Variants in ODAD4 observed in about 807,000 individuals in gnomAD.
The protein encoded by ODAD4 is outer dynein arm docking complex subunit 4.
ODAD4 carries 49 observed loss-of-function variants against 51.8 expected under a neutral mutation model. The ratio of observed to expected loss-of-function variants is 0.95; its 90% confidence interval spans 0.75 to 1.20. The LOEUF is 1.20. Among genes scored for constraint, ODAD4 ranks in the 50% most tolerant of loss-of-function variants. ODAD4 has a pLI of 0.00. For missense variants in ODAD4, 590 were observed against 586.5 expected (o/e 1.01, Z -0.06); for synonymous variants, 235 against 221.3 (o/e 1.06, Z -0.55).
At chr17:41,936,729 G>A (rs782086101) in intron 4 of ODAD4, 33 bp from the exon 5 acceptor site, 2 of 1,612,020 alleles carry the variant, frequency 1.2e-6, no homozygotes, top group South Asian at 2.2e-5. Flanking sequence ...GCTCCTTGCT[G>A]AAGCTCTGTT....
At chr17:41,947,871 G>A (rs1167367182) in intron 8 of ODAD4, among the ~76,000 whole-genome samples, 2 of 152,290 alleles carry the variant, frequency 1.3e-5, no homozygotes, top group South Asian at 4.1e-4. Flanking sequence ...TGTAATCCCA[G>A]CACTTTGGGA....
intron 9 of ODAD4, among the ~76,000 whole-genome samples, chr17:41,954,337 A>G: frequency 6.6e-6 from 1 of 152,056 alleles, no homozygotes; most frequent in East Asian, 1.9e-4. Context: ...GAGGGCTCAA[A>G]TCAATCACTC....
chr17:41,939,139 G>T lies in ODAD4; in HGVS notation c.1025G>T (p.Ser342Ile), dbSNP rs1555638374. ...GGGCAGATGGAGGCAGCCCTGCAGA[G>T]CCACAGAAAGGACCTGGAGATCGCC... ...ELGQMEAALQ[S>I]HRKDLEIAKE... Residue 342 changes from serine to isoleucine, a missense_variant, in exon 7 of 12, where the codon AGC (serine) becomes ATC (isoleucine). Physicochemically the swap from Ser to Ile is moderately radical, Grantham distance 142. Around this residue, in one of 3 missense-constraint regions of ODAD4, gnomAD observed 4 missense variants for 16.3 expected, o/e 0.25. Transcript: ENST00000377540. The T allele has an allele frequency of 6.2e-7, 1 of 1,613,948 alleles. No homozygotes were observed. The highest frequency in any genetic ancestry group is 1.7e-5 in the Admixed American group (1 of 60,012).
intron 1 of ODAD4, 44 bp downstream of exon 1, chr17:41,930,881 CTTTTTTTT>C (rs782820445): frequency 5.7e-4 from 55 of 97,222 alleles, no homozygotes; most frequent in African/African-American, 1.8e-3. Context: ...TCACCCGTCA[CTTTTTTTT>C]TTTTTTTTTT....
At chr17:41,957,480 G>A (rs1048068932) in intron 10 of ODAD4, among the ~76,000 whole-genome samples, 52 of 152,274 alleles carry the variant, frequency 3.4e-4, no homozygotes, top group Middle Eastern at 6.8e-3. Context: ...TGTGTGGCCC[G>A]GTTCCTAACA....
chr17:41,936,874 TG>T lies in ODAD4; in HGVS notation c.577del (p.Glu193SerfsTer18). On this transcript the variant is annotated frameshift_variant, in exon 5 of 12. Coordinates refer to ENST00000377540, the MANE Select transcript of ODAD4 (RefSeq NM_031421.5). LOFTEE classifies it high-confidence loss of function. ...LKSEKTVRQL[L>X]GELYVDKEYL... ...AGTGAGAAGACTGTCCGCCAGCTTC[TG>T]GGGGAGCTCTACGTGGACAAAGAGT... The T allele has an allele frequency of 6.2e-7, 1 of 1,613,968 alleles. No individual in the cohort carries two copies. Among genetic ancestry groups the T allele is most frequent in the Non-Finnish European group, 8.5e-7 (1 of 1,179,884 alleles).
intron 8 of ODAD4, among the ~76,000 whole-genome samples, chr17:41,946,644 T>G (rs988727950): frequency 1.3e-5 from 2 of 151,486 alleles, no homozygotes; most frequent in Admixed American, 6.6e-5. Context: ...ACTATTTTAT[T>G]TTATGTTATG....
chr17:41,957,650 A>C (rs1448975652), intron 10 of ODAD4, among the ~76,000 whole-genome samples: 3 of 152,068 alleles, frequency 2.0e-5, no homozygotes, highest in Admixed American at 1.3e-4. Context: ...ACTTTTTCCC[A>C]CAGGGGTAGG....
chr17:41,955,470 C>T (rs2050718603), intron 10 of ODAD4, among the ~76,000 whole-genome samples, 153 bp downstream of exon 10: 1 of 152,112 alleles, frequency 6.6e-6, no homozygotes, highest in African/African-American at 2.4e-5. Flanking sequence ...CTCTGTTGCC[C>T]AGGCTGGAGT....
intron 11 of ODAD4, among the ~76,000 whole-genome samples, chr17:41,962,525 C>T (rs1445748495): frequency 3.9e-5 from 6 of 152,178 alleles, no homozygotes; most frequent in Non-Finnish European, 7.3e-5. Context: ...GACCCCCATT[C>T]ATGCTTCCCG....
chr17:41,934,581 G>A (rs1191159370), intron 1 of ODAD4, among the ~76,000 whole-genome samples: 1 of 151,724 alleles, frequency 6.6e-6, no homozygotes, highest in African/African-American at 2.4e-5. Flanking sequence ...CAAACTCTTG[G>A]GCTCAAGCGT....
At chr17:41,944,444 A>ACCCACACACACACCC (rs2050557779) in intron 7 of ODAD4, among the ~76,000 whole-genome samples, 1 of 19,548 alleles carries the variant, frequency 5.1e-5, no homozygotes. Context: ...ACACACACAC[A>ACCCACACACACACCC]CCCCCCCGCA....
chr17:41,939,191 G>A lies in ODAD4; in HGVS notation c.1058+19G>A. On this transcript the variant is annotated intron_variant, in intron 7 of 11. Transcript: ENST00000377540. ...AGGAATAGTGAGTGCCCTAGGGGAG[G>A]CCACTGGCGTGAGCCTACGGAGAAG... 1.2e-6 allele frequency: 2 copies of A among 1,607,212 alleles called. No homozygotes were observed. The highest frequency in any genetic ancestry group is 1.7e-6 in the Non-Finnish European group (2 of 1,176,604).
chr17:41,941,833 C>G (rs1432664822), intron 7 of ODAD4, among the ~76,000 whole-genome samples: 1 of 152,098 alleles, frequency 6.6e-6, no homozygotes, highest in Non-Finnish European at 1.5e-5. Context: ...AAATCCCTCC[C>G]CTAGGCTCCC....
chr17:41,941,807 C>A (rs1280172497), intron 7 of ODAD4, among the ~76,000 whole-genome samples: 9 of 151,634 alleles, frequency 5.9e-5, no homozygotes, highest in Non-Finnish European at 1.2e-4. Flanking sequence ...AGCCTGCCTG[C>A]TGCCCCAGGG....
intron 7 of ODAD4, among the ~76,000 whole-genome samples, chr17:41,944,437 CA>C (rs1567933114): frequency 0.011 from 43 of 4,094 alleles, 1 homozygote; most frequent in East Asian, 0.02. Context: ...CACACACACA[CA>C]CACACACCCC....
chr17:41,943,182 A>G (rs2050530721), intron 7 of ODAD4, among the ~76,000 whole-genome samples: 1 of 152,154 alleles, frequency 6.6e-6, no homozygotes, highest in South Asian at 2.1e-4. Flanking sequence ...CTCCTTTTCA[A>G]TGTGTTTACC....
rs78113536 is a variant in ODAD4 at position 41,941,909 on chromosome 17, G to A, written c.1058+2737G>A. 6.4e-3 allele frequency among the ~76,000 whole-genome samples: 968 copies of A among 152,306 alleles called. 9 individuals are homozygous for A. Among genetic ancestry groups the A allele is most frequent in the African/African-American group, 0.022 (931 of 41,562 alleles). On this transcript the variant is annotated intron_variant, in intron 7 of 11. Coordinates refer to ENST00000377540, the MANE Select transcript of ODAD4 (RefSeq NM_031421.5). ...TTGGAAGGTGCTATTCCCAGCATCT[G>A]CCACACAGTGGGCATGTAATGAATG...
intron 9 of ODAD4, among the ~76,000 whole-genome samples, chr17:41,950,115 G>A (rs975687061): frequency 2.6e-4 from 39 of 151,652 alleles, no homozygotes; most frequent in Middle Eastern, 6.8e-3. Flanking sequence ...GATTACAGGC[G>A]CGCACCACCA....
Sources: gnomAD v4.1 joint callset for allele counts (sites outside exome capture counted in the v4.1 genomes callset) on GRCh38, gnomAD v4.1.1 for gene constraint, gnomAD v4.1.1 regional missense constraint, MANE v1.5 for transcripts, NCBI Gene and HGNC (gene_info 2026-07-23, HGNC 2026-07-21) for gene names.